Variants in DLGAP2 observed in about 807,000 individuals in gnomAD.
DLGAP2 encodes the protein disks large-associated protein 2.
In DLGAP2, 26 loss-of-function variants were observed where a neutral mutation model predicts 100.3. The ratio of observed to expected loss-of-function variants is 0.26; its 90% CI spans 0.19 to 0.36. The LOEUF (loss-of-function observed/expected upper bound fraction) is 0.36. Among genes scored for constraint, DLGAP2 ranks in the 10% least tolerant of loss-of-function variants. The pLI, the probability that DLGAP2 is intolerant of heterozygous loss-of-function variation, is 1.00. For missense variants in DLGAP2, 1,858 were observed against 1,453.2 expected (o/e 1.28, Z -4.53); for synonymous variants, 886 against 630.1 (o/e 1.41, Z -6.08).
intron 2 of DLGAP2, among the ~76,000 whole-genome samples, chr8:1,191,380 C>T (rs958078189): frequency 3.3e-5 from 5 of 152,088 alleles, no homozygotes; most frequent in African/African-American, 4.8e-5. Context: ...CCGTGTTAGC[C>T]AGGATGGTCT....
intron 1 of DLGAP2, among the ~76,000 whole-genome samples, chr8:877,680 C>T (rs1195571606): frequency 6.6e-6 from 1 of 152,216 alleles, no homozygotes; most frequent in East Asian, 1.9e-4. Flanking sequence ...AGCCAGTAAC[C>T]TACAGGTTCA....
At chr8:1,645,492 T>C (rs1189754299) in intron 8 of DLGAP2, among the ~76,000 whole-genome samples, 2 of 152,238 alleles carry the variant, frequency 1.3e-5, no homozygotes, top group Non-Finnish European at 2.9e-5. Flanking sequence ...TAGTGTATGA[T>C]GGGTTTGTGG....
At chr8:1,430,076 A>G (rs561381456) in intron 3 of DLGAP2, among the ~76,000 whole-genome samples, 3 of 136,802 alleles carry the variant, frequency 2.2e-5, no homozygotes, top group Non-Finnish European at 4.7e-5. Context: ...GAGAATAATT[A>G]TGTTACTGTG....
At chr8:1,385,932 A>C (rs1796209455) in intron 3 of DLGAP2, among the ~76,000 whole-genome samples, 2 of 152,270 alleles carry the variant, frequency 1.3e-5, no homozygotes, top group South Asian at 4.1e-4. Flanking sequence ...GAGCCACGAC[A>C]ACCTAGCCAG....
chr8:1,379,381 G>T (rs898768972), intron 3 of DLGAP2, among the ~76,000 whole-genome samples: 1 of 152,214 alleles, frequency 6.6e-6, no homozygotes, highest in Admixed American at 6.5e-5. Context: ...CACGTACGCC[G>T]ACATCCCTTA....
intron 2 of DLGAP2, among the ~76,000 whole-genome samples, chr8:996,794 A>T (rs544714083): frequency 5.9e-5 from 9 of 152,198 alleles, no homozygotes; most frequent in African/African-American, 1.9e-4. Context: ...CATAAGTGTG[A>T]GTTAATATGC....
At chr8:1,521,982 T>C (rs1800616304) in intron 4 of DLGAP2, among the ~76,000 whole-genome samples, 1 of 148,936 alleles carries the variant, frequency 6.7e-6, no homozygotes, top group African/African-American at 2.5e-5. Context: ...GCGTCTCTGG[T>C]TTGCACACTT....
chr8:979,357 G>T (rs552998905), intron 2 of DLGAP2, among the ~76,000 whole-genome samples: 1 of 152,236 alleles, frequency 6.6e-6, no homozygotes. Context: ...CCACAAGGGA[G>T]AAATTGAGTA....
rs1192334914 is a variant in DLGAP2 at position 1,433,850 on chromosome 8, G to A, written c.107-67516G>A. ...AAATGGTATAAACCTCTGCTTATTT[G>A]TTCTAAATTTCTCCATGATGCACAT... On this transcript the variant is annotated intron_variant, in intron 3 of 14. Transcript: ENST00000637795. Among the ~76,000 whole-genome samples the A allele has an allele frequency of 6.3e-5, 9 of 143,188 alleles. No individual in the cohort carries two copies. In the South Asian group the frequency reaches 1.6e-3, roughly 25 times the overall value. The allele number at this position is 143,188 out of a possible 152,430, so 93.9% of individuals were successfully genotyped here. A position where few individuals can be genotyped will look rare whatever the true frequency, so the allele number is the denominator to read the frequency against.
chr8:807,228 A>C (rs11777185), intron 1 of DLGAP2, among the ~76,000 whole-genome samples: 12 of 150,772 alleles, frequency 8.0e-5, no homozygotes, highest in Admixed American at 2.0e-4. Flanking sequence ...CTCATTCATA[A>C]GTTCTCTCTC....
chr8:874,117 G>A (rs1797647349), intron 1 of DLGAP2, among the ~76,000 whole-genome samples: 1 of 151,780 alleles, frequency 6.6e-6, no homozygotes, highest in Non-Finnish European at 1.5e-5. Context: ...TGTCAATCTA[G>A]CTAAAAGTTT....
chr8:1,521,073 T>G (rs1800579692), intron 4 of DLGAP2, among the ~76,000 whole-genome samples: 1 of 152,224 alleles, frequency 6.6e-6, no homozygotes, highest in Non-Finnish European at 1.5e-5. Context: ...TGTCTTGTTG[T>G]TGTTTTAATT....
At chr8:1,269,212 T>C (rs1313618562) in intron 3 of DLGAP2, among the ~76,000 whole-genome samples, 1 of 152,216 alleles carries the variant, frequency 6.6e-6, no homozygotes, top group East Asian at 1.9e-4. Context: ...TTTCTTGATT[T>C]TCCTGCCTGC....
rs936739218 is a variant in DLGAP2 at position 1,210,349 on chromosome 8, A to C, written c.74-48502A>C. ...CATGTGTCCAGGGCCAGATGAAACC[A>C]GTGCAGTGTTTTAAGAAACTGGATG... is the stretch of plus-strand genomic sequence containing the variant. On this transcript the variant is annotated intron_variant, in intron 2 of 14. Coordinates refer to ENST00000637795, the MANE Select transcript of DLGAP2 (RefSeq NM_001346810.2). Among the ~76,000 whole-genome samples, 6 of 105,632 alleles carry C rather than the reference A, an allele frequency of 5.7e-5. No homozygotes were observed. The East Asian group carries it at 2.0e-3, about 35-fold the overall frequency. 69.3% of individuals were successfully genotyped at this position (105,632 alleles called of 152,430 possible).
At chr8:1,384,385 C>T (rs1270225688) in intron 3 of DLGAP2, among the ~76,000 whole-genome samples, 3 of 134,052 alleles carry the variant, frequency 2.2e-5, no homozygotes, top group Admixed American at 7.3e-5. Flanking sequence ...GGCCTGTGCC[C>T]GGCCCCTGAG....
chr8:1,628,807 C>A (rs562186776), intron 7 of DLGAP2, among the ~76,000 whole-genome samples: 3 of 150,966 alleles, frequency 2.0e-5, no homozygotes, highest in Non-Finnish European at 2.9e-5. Flanking sequence ...GAGCCTGAGC[C>A]GACCTCACAT....
At chr8:1,005,851 T>G (rs1211793378) in intron 2 of DLGAP2, among the ~76,000 whole-genome samples, 1 of 152,180 alleles carries the variant, frequency 6.6e-6, no homozygotes, top group Non-Finnish European at 1.5e-5. Flanking sequence ...TCAGGGAATG[T>G]GCTCCAGATG....
intron 4 of DLGAP2, among the ~76,000 whole-genome samples, chr8:1,542,347 A>G (rs1801391072): frequency 6.6e-6 from 1 of 152,232 alleles, no homozygotes; most frequent in Non-Finnish European, 1.5e-5. Flanking sequence ...GCTCTAATCA[A>G]TTTAAAACAT....
chr8:995,123 TCAGA>T (rs1306311416), intron 2 of DLGAP2, among the ~76,000 whole-genome samples: 1 of 152,234 alleles, frequency 6.6e-6, no homozygotes. Context: ...TTTTATTGCC[TCAGA>T]CAGTCTTTTA....
Sources: gnomAD v4.1 joint callset for allele counts (sites outside exome capture counted in the v4.1 genomes callset) on GRCh38, gnomAD v4.1.1 for gene constraint, MANE v1.5 for transcripts, NCBI Gene and HGNC (gene_info 2026-07-23, HGNC 2026-07-21) for gene names.